SYT14: variants seen among roughly 807,000 people sequenced by gnomAD.
SYT14 encodes the protein synaptotagmin 14, also known as synaptotagmin-14.
Under a neutral mutation model 74.2 loss-of-function variants are expected in SYT14, and 32 were observed. The ratio of observed to expected loss-of-function variants is 0.43; its 90% CI spans 0.33 to 0.58. The LOEUF (loss-of-function observed/expected upper bound fraction) is 0.58. SYT14 is among the 20% of genes least tolerant of loss of function. The pLI is 0.05. For missense variants in SYT14, 791 were observed against 981.8 expected, an observed-to-expected ratio of 0.81 and a Z score of 2.60; for synonymous variants, 298 against 337.7, an observed-to-expected ratio of 0.88 and a Z score of 1.29.
At chr1:209,962,979 C>G (rs1289208408) in intron 2 of SYT14, among the ~76,000 whole-genome samples, 2 of 152,096 alleles carry the variant, frequency 1.3e-5, no homozygotes, top group Non-Finnish European at 2.9e-5. Flanking sequence ...TGTCTGTGGA[C>G]CAACTTCAGA....
At chr1:210,085,214 T>G (rs2081698640) in intron 5 of SYT14, among the ~76,000 whole-genome samples, 1 of 152,228 alleles carries the variant, frequency 6.6e-6, no homozygotes, top group Non-Finnish European at 1.5e-5. Context: ...TAGAAATTCA[T>G]TTTTTAAAAT....
At chr1:210,114,725 A>G (rs1187554652) in intron 7 of SYT14, among the ~76,000 whole-genome samples, 1 of 151,116 alleles carries the variant, frequency 6.6e-6, no homozygotes, top group Non-Finnish European at 1.5e-5. Flanking sequence ...CCTCTTTAAG[A>G]TGAAATTGTT....
chr1:210,159,294 A>G, intron 8 of SYT14, 127 bp from the exon 8 acceptor site: 1 of 912,560 alleles, frequency 1.1e-6, no homozygotes, highest in Non-Finnish European at 1.8e-6. Context: ...TTAAAATGCT[A>G]AAGTTTTGTG....
At chr1:210,090,066 C>T (rs1212880315) in intron 5 of SYT14, among the ~76,000 whole-genome samples, 1 of 152,188 alleles carries the variant, frequency 6.6e-6, no homozygotes, top group African/African-American at 2.4e-5. Context: ...CACATGAAGA[C>T]TTGGCTGGTC....
chr1:210,155,587 C>T, intron 7 of SYT14, 134 bp from the exon 7 acceptor site: 1 of 906,300 alleles, frequency 1.1e-6, no homozygotes, highest in Non-Finnish European at 1.7e-6. Flanking sequence ...GACAATAATT[C>T]TAATCTGGTG....
chr1:210,156,683 CTTTTTTTTTTTTTT>C (rs71146208), intron 8 of SYT14, among the ~76,000 whole-genome samples: 9 of 55,996 alleles, frequency 1.6e-4, no homozygotes, highest in East Asian at 6.2e-4. Flanking sequence ...GTGGCAGCTT[CTTTTTTTTTTTTTT>C]TTTTTTTTTT....
chr1:210,159,915 T>G (rs188541030), intron 9 of SYT14, among the ~76,000 whole-genome samples: 1 of 152,332 alleles, frequency 6.6e-6, no homozygotes, highest in East Asian at 1.9e-4. Flanking sequence ...TGAACTGTTA[T>G]GTTTCACTTC....
intron 5 of SYT14, among the ~76,000 whole-genome samples, chr1:210,070,051 A>T (rs918262572): frequency 6.6e-6 from 1 of 152,128 alleles, no homozygotes; most frequent in Non-Finnish European, 1.5e-5. Flanking sequence ...TGCAAAATAT[A>T]GTGGTCACTT....
At chr1:210,155,965 CAGTATT>C (rs1253932741) in intron 8 of SYT14, 55 bp downstream of exon 7, 2 of 1,503,290 alleles carry the variant, frequency 1.3e-6, no homozygotes, top group Non-Finnish European at 1.8e-6. Context: ...TTGGGACTCT[CAGTATT>C]AGGGAGTTCA....
chr1:209,947,170 A>G (rs1035855263), intron 1 of SYT14, among the ~76,000 whole-genome samples: 5 of 152,226 alleles, frequency 3.3e-5, no homozygotes, highest in Admixed American at 2.6e-4. Context: ...GGTTGTTTTC[A>G]TGCCTGCTAA....
rs146715971 is a variant in SYT14, at chr1:209,943,463, C to T, written c.-534+5186C>T. ...GGGAGACTGAGCAGTGAGTCAAGAT[C>T]GTGCCACTGCACTTCAGCCTGGACA... is the stretch of plus-strand genomic sequence containing the variant. On this transcript the variant is annotated intron_variant, in intron 1 of 9. Transcript: ENST00000637265. Among the ~76,000 whole-genome samples, 83 of 120,262 alleles carry T rather than the reference C, an allele frequency of 6.9e-4. No individual in the cohort carries two copies. In the East Asian group the frequency reaches 0.019, roughly 27 times the overall value. The allele number at this position is 120,262 out of a possible 152,430, so 78.9% of individuals were successfully genotyped here. A position where few individuals can be genotyped will look rare whatever the true frequency, so the allele number is the denominator to read the frequency against.
chr1:210,121,655 G>T (rs183133006), intron 7 of SYT14, among the ~76,000 whole-genome samples: 2 of 151,934 alleles, frequency 1.3e-5, no homozygotes, highest in African/African-American at 2.4e-5. Flanking sequence ...TTAGCCAGGC[G>T]TGGTGGCGGG....
At chr1:210,055,479 T>C (rs2081077345) in intron 5 of SYT14, among the ~76,000 whole-genome samples, 1 of 152,138 alleles carries the variant, frequency 6.6e-6, no homozygotes, top group Admixed American at 6.5e-5. Flanking sequence ...TTTTATTGAT[T>C]GAGAGGGCAA....
intron 5 of SYT14, among the ~76,000 whole-genome samples, chr1:210,077,483 T>C (rs1234508954): frequency 6.6e-6 from 1 of 152,234 alleles, no homozygotes. Flanking sequence ...TGTTTATCGT[T>C]CATCACTTGA....
intron 5 of SYT14, among the ~76,000 whole-genome samples, chr1:210,075,173 C>A (rs1461994459): frequency 2.6e-5 from 4 of 152,276 alleles, no homozygotes; most frequent in African/African-American, 9.6e-5. Flanking sequence ...CTTATCCAGC[C>A]AGTCGATGGC....
intron 2 of SYT14, among the ~76,000 whole-genome samples, chr1:210,002,204 T>TG (rs965914281): frequency 7.9e-5 from 12 of 152,178 alleles, no homozygotes; most frequent in Non-Finnish European, 1.6e-4. Flanking sequence ...CAAGCACCTA[T>TG]GTAACCAGAA....
chr1:209,994,040 A>G (rs373698679), intron 2 of SYT14, among the ~76,000 whole-genome samples: 16 of 152,248 alleles, frequency 1.1e-4, no homozygotes, highest in Admixed American at 3.3e-4. Context: ...CAGAACACCA[A>G]CCCTCCAAGA....
At chr1:210,112,360 C>T (rs1210951298) in intron 7 of SYT14, among the ~76,000 whole-genome samples, 3 of 151,138 alleles carry the variant, frequency 2.0e-5, no homozygotes, top group Non-Finnish European at 4.4e-5. Context: ...CAGATTTCCA[C>T]GATGGAAAGG....
chr1:210,047,634 T>C (rs1341211176), intron 5 of SYT14, among the ~76,000 whole-genome samples: 1 of 152,190 alleles, frequency 6.6e-6, no homozygotes, highest in East Asian at 1.9e-4. Flanking sequence ...CCTGACCTCG[T>C]GATCTGCCTG....
Sources: allele counts gnomAD v4.1 joint callset (sites outside exome capture counted in the v4.1 genomes callset), GRCh38; gene constraint gnomAD v4.1.1; transcripts MANE v1.5; gene names NCBI Gene and HGNC (gene_info 2026-07-23, HGNC 2026-07-21).